The following KRABD5 variants were observed in gnomAD, a reference collection of about 807,000 sequenced individuals.
The protein encoded by KRABD5 is KRAB domain containing 5.
chr16:31,725,894 CCCAGTCCTTAGG>C, the KRABD5 span, among the ~76,000 whole-genome samples: 2 of 152,212 alleles, frequency 1.3e-5, no homozygotes, highest in Non-Finnish European at 2.9e-5. Flanking sequence ...TATATTTTCT[CCCAGTCCTTAGG>C]CCAGTCCTTA....
chr16:31,736,404 ATTTAGTTTTTT>A, the KRABD5 span, among the ~76,000 whole-genome samples: 49 of 110,948 alleles, frequency 4.4e-4, 1 homozygote, highest in African/African-American at 1.9e-3. Context: ...TTCCATGTAC[ATTTAGTTTTTT>A]TTTTTTTTTT....
chr16:31,732,010 A>T, the KRABD5 span, among the ~76,000 whole-genome samples: 1 of 152,216 alleles, frequency 6.6e-6, no homozygotes, highest in African/African-American at 2.4e-5. Flanking sequence ...TGTCACCTGA[A>T]TCTCAAGTGG....
chr16:31,753,099 G>A, the KRABD5 span, among the ~76,000 whole-genome samples: 1 of 152,140 alleles, frequency 6.6e-6, no homozygotes, highest in Non-Finnish European at 1.5e-5. Context: ...ATTTGTACAT[G>A]TGAAAACTGA....
chr16:31,754,768 G>A, the KRABD5 span: 8 of 462,336 alleles, frequency 1.7e-5, no homozygotes, highest in Admixed American at 4.7e-5. Flanking sequence ...GAAAACATAA[G>A]ATAATCCATA....
At chr16:31,759,466 G>A in the KRABD5 span, 1 of 1,487,370 alleles carries the variant, frequency 6.7e-7, no homozygotes, top group Non-Finnish European at 9.1e-7. Flanking sequence ...TTCGAAAAGG[G>A]GTGAAGTTTA....
the KRABD5 span, among the ~76,000 whole-genome samples, chr16:31,738,285 G>A: frequency 6.6e-6 from 1 of 152,066 alleles, no homozygotes; most frequent in Non-Finnish European, 1.5e-5. Flanking sequence ...TACTGAAAGT[G>A]GAGTATGGAA....
the KRABD5 span, chr16:31,723,339 TAGCCATCC>T: frequency 1.9e-6 from 3 of 1,612,728 alleles, no homozygotes; most frequent in Non-Finnish European, 2.5e-6. Context: ...GCAGAGACAG[TAGCCATCC>T]AGCCAGGTAG....
the KRABD5 span, among the ~76,000 whole-genome samples, chr16:31,725,986 T>C: frequency 6.6e-6 from 1 of 152,232 alleles, no homozygotes; most frequent in African/African-American, 2.4e-5. Flanking sequence ...GTAGTCCCGC[T>C]TGTTTTTGTT....
At chr16:31,725,155 G>A in the KRABD5 span, among the ~76,000 whole-genome samples, 1 of 151,364 alleles carries the variant, frequency 6.6e-6, no homozygotes, top group Non-Finnish European at 1.5e-5. Context: ...TCACTTTGTT[G>A]CCCGGGCTGG....
chr16:31,758,290 T>C, the KRABD5 span: 1 of 152,092 alleles, frequency 6.6e-6, no homozygotes, highest in South Asian at 2.1e-4. Flanking sequence ...AATAAAGTAA[T>C]ACTCATCTCT....
chr16:31,731,124 T>G, the KRABD5 span, among the ~76,000 whole-genome samples: 2 of 152,330 alleles, frequency 1.3e-5, no homozygotes, highest in African/African-American at 4.8e-5. Context: ...TGTAGGCTTA[T>G]GTTTATGTCC....
the KRABD5 span, among the ~76,000 whole-genome samples, chr16:31,728,443 A>G: frequency 6.6e-6 from 1 of 152,108 alleles, no homozygotes; most frequent in Non-Finnish European, 1.5e-5. Flanking sequence ...AAACTTCTGT[A>G]CTAGAACTGT....
At chr16:31,733,888 T>C in the KRABD5 span, among the ~76,000 whole-genome samples, 2 of 152,212 alleles carry the variant, frequency 1.3e-5, no homozygotes, top group African/African-American at 2.4e-5. Flanking sequence ...CGTTCTGTTT[T>C]GAATATGCTT....
At chr16:31,713,514 T>G in the KRABD5 span, 2 of 1,542,904 alleles carry the variant, frequency 1.3e-6, no homozygotes, top group African/African-American at 2.8e-5. Flanking sequence ...TGAGGTTAGC[T>G]TCGGGGTCTG....
At chr16:31,720,240 A>T in the KRABD5 span, among the ~76,000 whole-genome samples, 1 of 152,192 alleles carries the variant, frequency 6.6e-6, no homozygotes, top group Non-Finnish European at 1.5e-5. Flanking sequence ...CTGGCAAAGG[A>T]TGTGATTTTT....
chr16:31,730,368 T>C, the KRABD5 span, among the ~76,000 whole-genome samples: 2 of 152,146 alleles, frequency 1.3e-5, no homozygotes, highest in African/African-American at 2.4e-5. Context: ...ACTTTTAATA[T>C]ATGGTATCAC....
the KRABD5 span, among the ~76,000 whole-genome samples, chr16:31,725,948 T>C: frequency 6.6e-6 from 1 of 152,222 alleles, no homozygotes; most frequent in Admixed American, 6.5e-5. Flanking sequence ...TTTGTTTCCT[T>C]TGCTGTGCAG....
At chr16:31,732,158 G>A in the KRABD5 span, among the ~76,000 whole-genome samples, 23 of 152,256 alleles carry the variant, frequency 1.5e-4, no homozygotes, top group African/African-American at 4.8e-4. Flanking sequence ...CCTACCCTTC[G>A]GTTAAGGACT....
the KRABD5 span, chr16:31,755,201 G>A: frequency 8.7e-5 from 41 of 473,840 alleles, no homozygotes; most frequent in Middle Eastern, 3.2e-4. Flanking sequence ...AATTCATACC[G>A]GAGAAAAACT....
Sources: allele counts gnomAD v4.1 joint callset (sites outside exome capture counted in the v4.1 genomes callset), GRCh38; gene constraint gnomAD v4.1.1; transcripts MANE v1.5; gene names NCBI Gene and HGNC (gene_info 2026-07-23, HGNC 2026-07-21).